The following LMAN2L variants were observed in gnomAD, a reference collection of about 807,000 sequenced individuals.
The protein encoded by LMAN2L is VIP36-like protein.
LMAN2L carries 30 observed loss-of-function variants against 44.3 expected under a neutral mutation model. The ratio of observed to expected loss-of-function variants is 0.68; its 90% CI spans 0.51 to 0.92. The LOEUF (loss-of-function observed/expected upper bound fraction) is 0.92, where lower values mean the gene tolerates loss of function less well. LMAN2L is among the 40% of genes least tolerant of loss of function. LMAN2L has a pLI of 0.00. For missense variants in LMAN2L, 429 were observed against 446.1 expected (o/e 0.96, Z 0.35); for synonymous variants, 183 against 171.1 (o/e 1.07, Z -0.54).
intron 4 of LMAN2L, among the ~76,000 whole-genome samples, chr2:96,732,230 C>G (rs2078414275): frequency 6.7e-6 from 1 of 149,534 alleles, no homozygotes; most frequent in Non-Finnish European, 1.5e-5. Context: ...GCCTCTATTT[C>G]TAATCCTGAT....
intron 1 of LMAN2L, 134 bp from the exon 2 acceptor site, chr2:96,738,201 A>G: frequency 1.6e-6 from 1 of 638,174 alleles, no homozygotes; most frequent in African/African-American, 1.8e-5. Context: ...ATCTTCTCTC[A>G]GTCATGAATC....
chr2:96,709,203 G>A (rs1021683008), intron 6 of LMAN2L, among the ~76,000 whole-genome samples: 6 of 152,102 alleles, frequency 3.9e-5, no homozygotes, highest in African/African-American at 1.4e-4. Flanking sequence ...TTACAGGCGT[G>A]AGCCACCGCG....
intron 4 of LMAN2L, among the ~76,000 whole-genome samples, chr2:96,716,732 C>A (rs2078047138): frequency 6.6e-6 from 1 of 152,180 alleles, no homozygotes; most frequent in Non-Finnish European, 1.5e-5. Flanking sequence ...ATAACACAGG[C>A]ATTAAGTAGT....
intron 4 of LMAN2L, among the ~76,000 whole-genome samples, chr2:96,712,663 T>C (rs1227582601): frequency 2.0e-5 from 3 of 152,222 alleles, no homozygotes; most frequent in Non-Finnish European, 4.4e-5. Context: ...GTCAAAAGAC[T>C]TTCCAGCCCA....
chr2:96,715,423 C>T (rs2078020655), intron 4 of LMAN2L, among the ~76,000 whole-genome samples: 1 of 152,218 alleles, frequency 6.6e-6, no homozygotes, highest in Non-Finnish European at 1.5e-5. Flanking sequence ...ATCTTATTTT[C>T]TACGCCTAGT....
chr2:96,725,619 A>AT (rs1335508774), intron 4 of LMAN2L, among the ~76,000 whole-genome samples: 2 of 148,156 alleles, frequency 1.3e-5, no homozygotes, highest in Non-Finnish European at 1.5e-5. Flanking sequence ...ATTTTTTTGT[A>AT]TTTTTTTAGT....
chr2:96,738,992 C>T (rs1356173793), intron 1 of LMAN2L, among the ~76,000 whole-genome samples: 2 of 152,172 alleles, frequency 1.3e-5, no homozygotes, highest in Non-Finnish European at 2.9e-5. Context: ...CCGCCCACCT[C>T]GGCCTCCCAA....
At chr2:96,732,441 C>T (rs1004411712) in intron 4 of LMAN2L, among the ~76,000 whole-genome samples, 30 of 151,672 alleles carry the variant, frequency 2.0e-4, no homozygotes, top group Non-Finnish European at 3.7e-4. Flanking sequence ...GTCAGGGGTT[C>T]GAGACCATCC....
intron 4 of LMAN2L, among the ~76,000 whole-genome samples, chr2:96,721,975 C>CT (rs956506555): frequency 1.3e-4 from 19 of 148,872 alleles, no homozygotes; most frequent in African/African-American, 2.5e-4. Context: ...TACTTTCTTT[C>CT]TTTTTTTTTT....
chr2:96,723,001 C>T (rs945303595), intron 4 of LMAN2L, among the ~76,000 whole-genome samples: 2 of 151,500 alleles, frequency 1.3e-5, no homozygotes, highest in Non-Finnish European at 2.9e-5. Context: ...TACTGGGCAA[C>T]AGAGCAAGAC....
intron 4 of LMAN2L, among the ~76,000 whole-genome samples, chr2:96,730,941 G>C (rs1188088380): frequency 2.0e-5 from 3 of 152,006 alleles, no homozygotes; most frequent in Non-Finnish European, 2.9e-5. Flanking sequence ...CCAAAGTGCT[G>C]GGATTACAGG....
At position 96,707,284 on chromosome 2, in the gene LMAN2L, T is replaced by A. The variant is rs1449172958; in HGVS notation, c.1019A>T (p.Gln340Leu). ...VIGIILYNKW[Q>L]EQSRKRFY Reference sequence around the variant, plus strand: ...GTAGAAGCGCTTTCGGCTCTGTTCCTGCCATTTGTTGTAGAGTATGATACC... The same window carrying A: ...GTAGAAGCGCTTTCGGCTCTGTTCCAGCCATTTGTTGTAGAGTATGATACC... Residue 340 changes from glutamine (Q) to leucine (L), a missense_variant, in exon 8 of 8, where the codon CAG becomes CTG. Physicochemically the swap from Gln to Leu is moderately radical, Grantham distance 113 (BLOSUM62 -2). Transcript: ENST00000264963. 1 of 1,614,132 alleles carries A rather than the reference T, an allele frequency of 6.2e-7. No individual in the cohort carries two copies. The highest frequency in any genetic ancestry group is 1.7e-5 in the Admixed American group (1 of 60,018).
intron 4 of LMAN2L, among the ~76,000 whole-genome samples, chr2:96,728,352 G>A (rs1448016531): frequency 6.6e-6 from 1 of 151,976 alleles, no homozygotes; most frequent in African/African-American, 2.4e-5. Context: ...CAAAAAATTA[G>A]CCGGGCGTGG....
At chr2:96,733,963 T>C (rs1311693564) in intron 3 of LMAN2L, among the ~76,000 whole-genome samples, 1 of 152,216 alleles carries the variant, frequency 6.6e-6, no homozygotes, top group African/African-American at 2.4e-5. Flanking sequence ...CTAGTTCTCC[T>C]TCTTGTTGCA....
At chr2:96,714,214 A>G (rs1192269819) in intron 4 of LMAN2L, among the ~76,000 whole-genome samples, 1 of 152,250 alleles carries the variant, frequency 6.6e-6, no homozygotes, top group African/African-American at 2.4e-5. Flanking sequence ...AGACTCAAGT[A>G]ATTAGAGGGA....
At chr2:96,737,047 T>C (rs1280483612) in intron 2 of LMAN2L, 5 of 406,804 alleles carry the variant, frequency 1.2e-5, no homozygotes. Flanking sequence ...CCAGAGAAAG[T>C]ATCAAAGGAT....
intron 4 of LMAN2L, among the ~76,000 whole-genome samples, chr2:96,723,854 C>T (rs527276673): frequency 2.0e-4 from 30 of 152,022 alleles, no homozygotes; most frequent in East Asian, 7.7e-4. Flanking sequence ...ACTGGGAGGC[C>T]GACGCGGGTG....
In LMAN2L at chr2:96,716,305, T is replaced by C. The variant is rs114473974; in HGVS notation, c.508-4280A>G. On this transcript the variant is annotated intron_variant, in intron 4 of 7. Transcript: ENST00000264963. ...GAGAGAGAACAATGTAATTTCATAA[T>C]GAAACAACTGAATACATTTAGCACT... 6.9e-3 allele frequency among the ~76,000 whole-genome samples: 1,043 copies of C among 152,072 alleles called. 14 individuals are homozygous for C. Among genetic ancestry groups the C allele is most frequent in the African/African-American group, 0.023 (967 of 41,324 alleles).
intron 4 of LMAN2L, among the ~76,000 whole-genome samples, chr2:96,727,263 C>T (rs1281363909): frequency 6.6e-6 from 1 of 152,012 alleles, no homozygotes; most frequent in Non-Finnish European, 1.5e-5. Context: ...TTTTCTCTAT[C>T]TATTGAGATG....
Sources: gnomAD v4.1 joint callset for allele counts (sites outside exome capture counted in the v4.1 genomes callset) on GRCh38, gnomAD v4.1.1 for gene constraint, MANE v1.5 for transcripts, NCBI Gene and HGNC (gene_info 2026-07-23, HGNC 2026-07-21) for gene names.